The following DOCK2 variants were observed in gnomAD, a reference collection of about 807,000 sequenced individuals.
The protein encoded by DOCK2 is dedicator of cytokinesis 2, also known as dedicator of cytokinesis protein 2.
Under a neutral mutation model 248.9 loss-of-function variants are expected in DOCK2, and 87 were observed. The ratio of observed to expected loss-of-function variants is 0.35; its 90% CI spans 0.29 to 0.42. The LOEUF (loss-of-function observed/expected upper bound fraction) is 0.42. Ranked by LOEUF, DOCK2 falls within the 10% of genes least tolerant of loss-of-function variation. DOCK2 has a pLI of 1.00. For missense variants in DOCK2, 1,747 were observed against 2,300.2 expected, an observed-to-expected ratio of 0.76 and a Z score of 4.92; for synonymous variants, 805 against 821.6, an observed-to-expected ratio of 0.98 and a Z score of 0.35.
At chr5:169,932,686 C>T (rs1775811036) in intron 27 of DOCK2, among the ~76,000 whole-genome samples, 1 of 152,152 alleles carries the variant, frequency 6.6e-6, no homozygotes, top group African/African-American at 2.4e-5. Context: ...AAGGCTCTTT[C>T]CCTGTTCCCT....
chr5:169,810,384 A>G lies in DOCK2; in HGVS notation c.2703+7178A>G, dbSNP rs568705698. 7.2e-5 allele frequency among the ~76,000 whole-genome samples: 11 copies of G among 152,306 alleles called. No individual in the cohort carries two copies. The South Asian group carries it at 2.3e-3, about 32-fold the overall frequency. ...TGTGTATATGCGTGTGCATTTTGTCATAAAACAAAATTGTATCAAATTGAT... is the reference window on the plus strand; with the variant it reads ...TGTGTATATGCGTGTGCATTTTGTCGTAAAACAAAATTGTATCAAATTGAT... On this transcript the variant is annotated intron_variant, in intron 26 of 51. Transcript: ENST00000520908.
chr5:170,046,416 T>C (rs763763036), intron 39 of DOCK2, among the ~76,000 whole-genome samples: 1 of 151,920 alleles, frequency 6.6e-6, no homozygotes, highest in Non-Finnish European at 1.5e-5. Context: ...TGGCGGGGAG[T>C]TGGACTCTGC....
chr5:170,015,510 A>T (rs1306814077), intron 32 of DOCK2, among the ~76,000 whole-genome samples: 5 of 152,146 alleles, frequency 3.3e-5, no homozygotes, highest in African/African-American at 1.2e-4. Flanking sequence ...AAGACAGAGG[A>T]GCAAAGATCG....
intron 2 of DOCK2, among the ~76,000 whole-genome samples, chr5:169,664,377 A>G (rs1362611820): frequency 6.6e-6 from 1 of 152,160 alleles, no homozygotes; most frequent in Admixed American, 6.5e-5. Context: ...TCTTTTTCTG[A>G]GCCCTTTAAA....
chr5:169,845,711 GT>G (rs1770263379), intron 27 of DOCK2, among the ~76,000 whole-genome samples: 1 of 152,176 alleles, frequency 6.6e-6, no homozygotes, highest in Admixed American at 6.5e-5. Flanking sequence ...CCTTGCAAAG[GT>G]TGTAAGTTGC....
intron 27 of DOCK2, among the ~76,000 whole-genome samples, chr5:169,847,084 C>G (rs1039423431): frequency 1.3e-5 from 2 of 152,186 alleles, no homozygotes; most frequent in Admixed American, 6.5e-5. Context: ...CCCACATTAT[C>G]TACTCATTAG....
At chr5:169,706,302 T>A (rs1415005011) in intron 14 of DOCK2, among the ~76,000 whole-genome samples, 2 of 152,260 alleles carry the variant, frequency 1.3e-5, no homozygotes, top group Non-Finnish European at 2.9e-5. Context: ...CTACAGAAAC[T>A]CTAAGCCCAT....
intron 22 of DOCK2, among the ~76,000 whole-genome samples, chr5:169,740,510 A>T (rs1284041010): frequency 6.6e-6 from 1 of 152,166 alleles, no homozygotes; most frequent in African/African-American, 2.4e-5. Context: ...GAGTGATCCC[A>T]CCCCAAATGT....
intron 29 of DOCK2, among the ~76,000 whole-genome samples, chr5:169,994,902 G>T (rs1754544485): frequency 2.0e-5 from 3 of 152,168 alleles, no homozygotes; most frequent in African/African-American, 7.2e-5. Flanking sequence ...TGCAAGACCA[G>T]TCAGAAGGGC....
chr5:169,996,681 A>T (rs1434573784), intron 30 of DOCK2, among the ~76,000 whole-genome samples: 1 of 152,222 alleles, frequency 6.6e-6, no homozygotes, highest in Non-Finnish European at 1.5e-5. Flanking sequence ...CCCCAGGTCC[A>T]GGCCCAAGAA....
chr5:170,033,354 A>T (rs934908615), intron 34 of DOCK2, among the ~76,000 whole-genome samples: 2 of 152,180 alleles, frequency 1.3e-5, no homozygotes, highest in East Asian at 3.8e-4. Flanking sequence ...TAGAATATAA[A>T]TACTAAAACA....
At chr5:169,698,321 C>T in intron 10 of DOCK2, 53 bp from the exon 11 acceptor site, 6 of 1,589,086 alleles carry the variant, frequency 3.8e-6, no homozygotes, top group Non-Finnish European at 5.2e-6. Flanking sequence ...ACTGTCATCC[C>T]TTATGGGAAC....
At chr5:169,825,640 G>T (rs1404675164) in intron 26 of DOCK2, among the ~76,000 whole-genome samples, 2 of 149,060 alleles carry the variant, frequency 1.3e-5, no homozygotes, top group African/African-American at 5.0e-5. Flanking sequence ...GGAGGGGGGA[G>T]AGATAGCATT....
chr5:169,879,233 C>A (rs951597624), intron 27 of DOCK2, among the ~76,000 whole-genome samples: 4 of 152,158 alleles, frequency 2.6e-5, no homozygotes, highest in Non-Finnish European at 4.4e-5. Flanking sequence ...ATGCACTGAG[C>A]GCATCCATCA....
In DOCK2 at chr5:169,639,292, C is replaced by T. The variant is rs574638458; in HGVS notation, c.43+1923C>T. 4.6e-5 allele frequency among the ~76,000 whole-genome samples: 7 copies of T among 152,248 alleles called. No individual in the cohort carries two copies. In the East Asian group the frequency reaches 1.2e-3, roughly 25 times the overall value. ...ACCTTTACTAGGTTAATCCACTCTG[C>T]CTGAGGCTCTTGTCAGTGAAGAGAG... On this transcript the variant is annotated intron_variant, in intron 1 of 51. Transcript: ENST00000520908.
At chr5:169,657,292 T>C (rs866477223) in intron 2 of DOCK2, among the ~76,000 whole-genome samples, 2 of 151,958 alleles carry the variant, frequency 1.3e-5, no homozygotes, top group Middle Eastern at 6.8e-3. Flanking sequence ...GTGATTCTGA[T>C]TGAAAAAAAA....
intron 25 of DOCK2, among the ~76,000 whole-genome samples, chr5:169,775,993 C>G (rs1765362007): frequency 6.6e-6 from 1 of 151,472 alleles, no homozygotes; most frequent in African/African-American, 2.4e-5. Flanking sequence ...GGCATTTATT[C>G]TTTATGTAAG....
chr5:170,061,281 G>A (rs759730672), intron 44 of DOCK2, among the ~76,000 whole-genome samples: 3 of 152,224 alleles, frequency 2.0e-5, no homozygotes, highest in Admixed American at 6.5e-5. Flanking sequence ...CCAACAGCCC[G>A]TTGATAGCAA....
intron 5 of DOCK2, 84 bp from the exon 6 acceptor site, chr5:169,674,213 C>T: frequency 6.5e-7 from 1 of 1,545,628 alleles, no homozygotes. Flanking sequence ...CTTGACCACA[C>T]TCACCTGACT....
Sources: gnomAD v4.1 joint callset for allele counts (sites outside exome capture counted in the v4.1 genomes callset) on GRCh38, gnomAD v4.1.1 for gene constraint, MANE v1.5 for transcripts, NCBI Gene and HGNC (gene_info 2026-07-23, HGNC 2026-07-21) for gene names.